SHLD1: variants seen among roughly 807,000 people sequenced by gnomAD.
The protein encoded by SHLD1 is RINN1-REV7-interacting novel NHEJ regulator 3.
In SHLD1, 3 loss-of-function variants were observed where a neutral mutation model predicts 5.5. The ratio of observed to expected loss-of-function variants is 0.54; its 90% CI spans 0.25 to 1.40. SHLD1 has a LOEUF of 1.40. Ranked by LOEUF, SHLD1 falls within the 40% of genes most tolerant of loss-of-function variation. The probability of loss-of-function intolerance (pLI) is 0.15; values close to 1 mark genes in which losing one functional copy is unlikely to be tolerated. For missense variants in SHLD1, 210 were observed against 244.4 expected (o/e 0.86, Z 0.94); for synonymous variants, 92 against 94.3 (o/e 0.98, Z 0.14).
chr20:5,863,395 C>G lies in SHLD1; in HGVS notation c.550C>G (p.Pro184Ala), dbSNP rs1436919626. ...EGSTSLDDEK[P>A]NPGLSKDITH... Reference sequence around the variant, plus strand: ...AAGTACATCTTTGGATGATGAAAAGCCAAACCCAGGACTGTCAAAGGATAT... The same window carrying G: ...AAGTACATCTTTGGATGATGAAAAGGCAAACCCAGGACTGTCAAAGGATAT... Residue 184 changes from proline to alanine, a missense_variant, in exon 3 of 3, where the codon CCA becomes GCA. Pro to Ala is a conservative substitution (Grantham distance 27). Transcript: ENST00000303142. 6.2e-7 allele frequency: 1 copy of G among 1,613,872 alleles called. No homozygotes were observed. Among genetic ancestry groups the G allele is most frequent in the African/African-American group, 1.3e-5 (1 of 74,902 alleles).
At chr20:5,819,536 T>A (rs1049815051) in intron 2 of SHLD1, among the ~76,000 whole-genome samples, 7 of 152,164 alleles carry the variant, frequency 4.6e-5, no homozygotes, top group African/African-American at 1.4e-4. Flanking sequence ...TAAAACATCA[T>A]GTAGGCCAGT....
intron 2 of SHLD1, among the ~76,000 whole-genome samples, chr20:5,778,906 A>T (rs918566760): frequency 3.3e-5 from 5 of 152,146 alleles, no homozygotes; most frequent in Admixed American, 3.3e-4. Context: ...AATTATCTAC[A>T]AAAGTCAGTT....
chr20:5,757,539 A>G (rs113412697), intron 1 of SHLD1, among the ~76,000 whole-genome samples: 4,263 of 152,128 alleles, frequency 0.028, 83 homozygotes, highest in Non-Finnish European at 0.042. Flanking sequence ...GTGTGTGTGT[A>G]TATGTGTGTA....
intron 2 of SHLD1, among the ~76,000 whole-genome samples, chr20:5,810,741 A>G (rs1020240042): frequency 6.6e-6 from 1 of 150,874 alleles, no homozygotes; most frequent in Non-Finnish European, 1.5e-5. Flanking sequence ...CAAAAAATAC[A>G]AAGGTTAGCC....
At chr20:5,804,014 A>G (rs770306705) in intron 2 of SHLD1, among the ~76,000 whole-genome samples, 13 of 151,502 alleles carry the variant, frequency 8.6e-5, no homozygotes, top group Non-Finnish European at 1.9e-4. Context: ...GGCGAGATCA[A>G]TATCATTACT....
At chr20:5,827,886 A>T (rs1165454676) in intron 2 of SHLD1, among the ~76,000 whole-genome samples, 1 of 92,232 alleles carries the variant, frequency 1.1e-5, no homozygotes, top group Non-Finnish European at 3.2e-5. Context: ...TATAGACCAG[A>T]TCATTCACTC....
chr20:5,767,658 C>T (rs1984917956), intron 1 of SHLD1, among the ~76,000 whole-genome samples: 1 of 152,228 alleles, frequency 6.6e-6, no homozygotes, highest in Admixed American at 6.5e-5. Flanking sequence ...ATCTGCAGAT[C>T]TGACCTGATA....
chr20:5,783,897 A>G (rs555807449), intron 2 of SHLD1, among the ~76,000 whole-genome samples: 4 of 152,250 alleles, frequency 2.6e-5, no homozygotes, highest in South Asian at 4.1e-4. Context: ...CACGCCTGTA[A>G]TCCCAGCACT....
intron 2 of SHLD1, among the ~76,000 whole-genome samples, chr20:5,858,024 C>T (rs578154366): frequency 1.3e-5 from 2 of 150,736 alleles, no homozygotes; most frequent in Admixed American, 6.6e-5. Context: ...ACTTGAACCC[C>T]GGAGGCAGAG....
chr20:5,792,527 C>T (rs1311841309), intron 2 of SHLD1, among the ~76,000 whole-genome samples: 1 of 152,066 alleles, frequency 6.6e-6, no homozygotes, highest in Admixed American at 6.6e-5. Context: ...TCAAGCGATT[C>T]TCATGCCTCA....
At chr20:5,789,823 A>C (rs527886523) in intron 2 of SHLD1, among the ~76,000 whole-genome samples, 9 of 152,068 alleles carry the variant, frequency 5.9e-5, no homozygotes, top group African/African-American at 1.9e-4. Context: ...ACCCAACTGA[A>C]GAAGGTGACC....
intron 2 of SHLD1, among the ~76,000 whole-genome samples, chr20:5,832,079 T>C (rs549672321): frequency 6.6e-6 from 1 of 152,334 alleles, no homozygotes; most frequent in South Asian, 2.1e-4. Flanking sequence ...TAGCTGGGAT[T>C]ACAAGCGCGC....
rs150404462 is a variant in SHLD1, at chr20:5,777,139, C to A, written c.178+4096C>A. Among the ~76,000 whole-genome samples, 856 of 152,208 alleles carry A rather than the reference C, an allele frequency of 5.6e-3. 8 individuals are homozygous for A. The highest frequency in any genetic ancestry group is 8.9e-3 in the Non-Finnish European group (604 of 68,016). ...GAGTAGCTGGGATTACAGGCGTGCA[C>A]CACCATGCCCAGCTAATATTTATAT... On this transcript the variant is annotated intron_variant, in intron 2 of 2. Transcript: ENST00000303142.
chr20:5,821,130 A>G (rs1048134003), intron 2 of SHLD1, among the ~76,000 whole-genome samples: 3 of 152,246 alleles, frequency 2.0e-5, no homozygotes, highest in Admixed American at 1.3e-4. Flanking sequence ...AGATCCATCA[A>G]TGACAAATAT....
At chr20:5,763,755 C>G (rs6107688) in intron 1 of SHLD1, among the ~76,000 whole-genome samples, 1 of 151,938 alleles carries the variant, frequency 6.6e-6, no homozygotes, top group African/African-American at 2.4e-5. Flanking sequence ...AAATAAACTT[C>G]TAAACTGATT....
chr20:5,807,020 G>A (rs576919110), intron 2 of SHLD1, among the ~76,000 whole-genome samples: 14 of 152,194 alleles, frequency 9.2e-5, no homozygotes, highest in Non-Finnish European at 1.9e-4. Flanking sequence ...GCTGGTAGCT[G>A]TGAGCCAGGC....
chr20:5,777,444 T>C (rs1284605678), intron 2 of SHLD1, among the ~76,000 whole-genome samples: 1 of 151,968 alleles, frequency 6.6e-6, no homozygotes, highest in Non-Finnish European at 1.5e-5. Context: ...ATGTTTCACT[T>C]TTTTTTTCTT....
chr20:5,836,916 A>G (rs2122455938), intron 2 of SHLD1, among the ~76,000 whole-genome samples: 1 of 152,356 alleles, frequency 6.6e-6, no homozygotes, highest in Non-Finnish European at 1.5e-5. Context: ...AGAAACAGAG[A>G]CAAGGATGGA....
At chr20:5,754,029 T>G (rs1386095215) in intron 1 of SHLD1, among the ~76,000 whole-genome samples, 1 of 152,178 alleles carries the variant, frequency 6.6e-6, no homozygotes, top group Non-Finnish European at 1.5e-5. Context: ...GCTTCAGAAG[T>G]GCTGGGATTA....
Sources: gnomAD v4.1 joint callset for allele counts (sites outside exome capture counted in the v4.1 genomes callset) on GRCh38, gnomAD v4.1.1 for gene constraint, MANE v1.5 for transcripts, NCBI Gene and HGNC (gene_info 2026-07-23, HGNC 2026-07-21) for gene names.